The following FARS2 variants were observed in gnomAD, a reference collection of about 807,000 sequenced individuals.
FARS2 encodes the protein phenylalanine--tRNA ligase, mitochondrial.
In FARS2, 40 loss-of-function variants were observed where a neutral mutation model predicts 46.4. The observed-to-expected ratio is 0.86, with a 90% CI of 0.67 to 1.12. The LOEUF (loss-of-function observed/expected upper bound fraction) is 1.12, where lower values mean the gene tolerates loss of function less well. Among genes scored for constraint, FARS2 ranks in the 50% most tolerant of loss-of-function variants. FARS2 has a pLI of 0.00. For synonymous variants in FARS2, 234 were observed against 214.9 expected (o/e 1.09, Z -0.78); for missense variants, 513 against 567.9 (o/e 0.90, Z 0.98).
At chr6:5,295,712 T>A (rs1281736813) in intron 1 of FARS2, among the ~76,000 whole-genome samples, 1 of 152,210 alleles carries the variant, frequency 6.6e-6, no homozygotes, top group Non-Finnish European at 1.5e-5. Context: ...TGGGTTGTCT[T>A]AGCTTTATAT....
At chr6:5,673,363 G>A (rs927075674) in intron 6 of FARS2, among the ~76,000 whole-genome samples, 3 of 152,158 alleles carry the variant, frequency 2.0e-5, no homozygotes, top group African/African-American at 7.2e-5. Context: ...AGAAAGACTC[G>A]TTCGGGAAAA....
intron 6 of FARS2, among the ~76,000 whole-genome samples, chr6:5,623,655 T>C (rs1428942285): frequency 6.6e-5 from 10 of 151,298 alleles, no homozygotes. Flanking sequence ...GAGGTCGCAG[T>C]GAGCTTAGAT....
intron 1 of FARS2, among the ~76,000 whole-genome samples, chr6:5,294,752 G>A (rs1357873406): frequency 6.6e-6 from 1 of 152,188 alleles, no homozygotes; most frequent in Admixed American, 6.5e-5. Flanking sequence ...GGGAAGGGGT[G>A]TGGAGCTTCC....
intron 6 of FARS2, among the ~76,000 whole-genome samples, chr6:5,692,712 G>A (rs559047238): frequency 5.1e-4 from 78 of 152,358 alleles, no homozygotes; most frequent in African/African-American, 1.8e-3. Context: ...GATAATAGAT[G>A]CTGGTGTGAA....
intron 4 of FARS2, among the ~76,000 whole-genome samples, chr6:5,528,543 G>C (rs1185036370): frequency 6.6e-6 from 1 of 152,124 alleles, no homozygotes; most frequent in Non-Finnish European, 1.5e-5. Context: ...TTGAACTATG[G>C]AGTTACGCAT....
chr6:5,271,854 A>G (rs7768590), intron 1 of FARS2, among the ~76,000 whole-genome samples: 14,025 of 152,132 alleles, frequency 0.092, 845 homozygotes, highest in African/African-American at 0.17. Flanking sequence ...TTTCTTCAAC[A>G]TTTTACATCT....
intron 6 of FARS2, among the ~76,000 whole-genome samples, chr6:5,755,926 G>T (rs1762178821): frequency 6.6e-6 from 1 of 152,124 alleles, no homozygotes; most frequent in African/African-American, 2.4e-5. Context: ...TAATTTTCAG[G>T]GTAGGCTTCT....
chr6:5,393,178 C>T (rs917605222), intron 2 of FARS2, among the ~76,000 whole-genome samples: 12 of 151,850 alleles, frequency 7.9e-5, no homozygotes, highest in African/African-American at 2.7e-4. Flanking sequence ...AGCTTGGTCG[C>T]AATAAATAAT....
intron 6 of FARS2, among the ~76,000 whole-genome samples, chr6:5,653,129 A>G (rs918364797): frequency 6.6e-6 from 1 of 152,236 alleles, no homozygotes; most frequent in South Asian, 2.1e-4. Flanking sequence ...ATATATGCAT[A>G]TATATCTACA....
At chr6:5,287,564 C>T (rs961265255) in intron 1 of FARS2, among the ~76,000 whole-genome samples, 7 of 152,184 alleles carry the variant, frequency 4.6e-5, no homozygotes, top group Admixed American at 1.3e-4. Context: ...AGGGGACATT[C>T]GGGCTGCTGT....
At chr6:5,352,868 G>C (rs142954090) in intron 1 of FARS2, among the ~76,000 whole-genome samples, 1 of 151,828 alleles carries the variant, frequency 6.6e-6, no homozygotes, top group African/African-American at 2.4e-5. Flanking sequence ...ATCAAATCAG[G>C]GTATTTAGCA....
Position 5,717,935 on chromosome 6 carries a change from T to TATATATAGAGAGAGAGAGAGAGAGAGAG in FARS2, c.1218-53355_1218-53354insTATATAGAGAGAGAGAGAGAGAGAGAGA, listed in dbSNP as rs546191530. ...ATATATATATATATATATATATATA[T>TATATATAGAGAGAGAGAGAGAGAGAGAG]ACAGAGTCTCACTCTGTCGCCCAGG... On this transcript the variant is annotated intron_variant, in intron 6 of 6. Coordinates refer to ENST00000274680, the MANE Select transcript of FARS2 (RefSeq NM_006567.5). Among the ~76,000 whole-genome samples the TATATATAGAGAGAGAGAGAGAGAGAGAG allele has an allele frequency of 5.9e-5, 8 of 135,650 alleles. No individual in the cohort carries two copies. In the South Asian group the frequency reaches 1.4e-3, roughly 24 times the overall value. The allele number at this position is 135,650 out of a possible 152,430, so 89.0% of individuals were successfully genotyped here.
chr6:5,483,508 A>T (rs1425109358), intron 4 of FARS2, among the ~76,000 whole-genome samples: 1 of 152,068 alleles, frequency 6.6e-6, no homozygotes, highest in South Asian at 2.1e-4. Flanking sequence ...TCTTACTAAA[A>T]ATACAAAAAT....
chr6:5,719,618 G>C (rs1759758284), intron 6 of FARS2, among the ~76,000 whole-genome samples: 1 of 152,060 alleles, frequency 6.6e-6, no homozygotes, highest in African/African-American at 2.4e-5. Context: ...CAACTCTCTG[G>C]GGCCTCACAC....
chr6:5,441,570 A>G (rs1412179841), intron 4 of FARS2, among the ~76,000 whole-genome samples: 1 of 152,214 alleles, frequency 6.6e-6, no homozygotes, highest in African/African-American at 2.4e-5. Context: ...CTGTGTTGTC[A>G]TAAGTAGAGT....
At chr6:5,422,201 C>T (rs147217648) in intron 3 of FARS2, among the ~76,000 whole-genome samples, 1 of 152,286 alleles carries the variant, frequency 6.6e-6, no homozygotes, top group African/African-American at 2.4e-5. Context: ...GAGACTTATT[C>T]ACTATCACGA....
At chr6:5,556,787 C>A (rs898043480) in intron 5 of FARS2, among the ~76,000 whole-genome samples, 3 of 151,894 alleles carry the variant, frequency 2.0e-5, no homozygotes, top group African/African-American at 7.3e-5. Flanking sequence ...ATCCAATATC[C>A]TTGTTGCATT....
At chr6:5,734,868 T>G (rs1230914530) in intron 6 of FARS2, among the ~76,000 whole-genome samples, 1 of 152,154 alleles carries the variant, frequency 6.6e-6, no homozygotes, top group Non-Finnish European at 1.5e-5. Context: ...ATAGTGTAGA[T>G]AGAAACTGTG....
chr6:5,676,336 A>G (rs1164898541), intron 6 of FARS2, among the ~76,000 whole-genome samples: 1 of 152,210 alleles, frequency 6.6e-6, no homozygotes, highest in Non-Finnish European at 1.5e-5. Flanking sequence ...CTTCAATTGG[A>G]TTTTGTATTC....
Sources: allele counts gnomAD v4.1 joint callset (sites outside exome capture counted in the v4.1 genomes callset), GRCh38; gene constraint gnomAD v4.1.1; transcripts MANE v1.5; gene names NCBI Gene and HGNC (gene_info 2026-07-23, HGNC 2026-07-21).